The following FGF12 variants were observed in gnomAD, a reference collection of about 807,000 sequenced individuals.
The protein encoded by FGF12 is fibroblast growth factor 12, also known as fibroblast growth factor 12B.
A neutral mutation model predicts 23.6 loss-of-function variants in FGF12; 14 were observed. The ratio of observed to expected loss-of-function variants is 0.59; its 90% CI spans 0.39 to 0.93. The LOEUF (loss-of-function observed/expected upper bound fraction) is 0.93, where lower values mean the gene tolerates loss of function less well. Among genes scored for constraint, FGF12 ranks in the 40% least tolerant of loss-of-function variants. FGF12 has a pLI of 0.00. For synonymous variants in FGF12, 62 were observed against 77.3 expected, an observed-to-expected ratio of 0.80 and a Z score of 1.04; for missense variants, 175 against 217.8, an observed-to-expected ratio of 0.80 and a Z score of 1.24.
chr3:192,703,263 C>G (rs976466309), intron 2 of FGF12, among the ~76,000 whole-genome samples: 1 of 152,094 alleles, frequency 6.6e-6, no homozygotes, highest in Non-Finnish European at 1.5e-5. Flanking sequence ...GCTACTAGTG[C>G]ATAGAAAAGT....
intron 5 of FGF12, among the ~76,000 whole-genome samples, chr3:192,158,328 C>CTT (rs1464837591): frequency 0.054 from 5,999 of 110,328 alleles, 555 homozygotes; most frequent in African/African-American, 0.17. Flanking sequence ...TTCTTTCTTT[C>CTT]TTTCTCTTTC....
chr3:192,376,625 G>C (rs910205856), intron 2 of FGF12, among the ~76,000 whole-genome samples: 1 of 152,156 alleles, frequency 6.6e-6, no homozygotes, highest in Non-Finnish European at 1.5e-5. Context: ...GCCTCCCAAA[G>C]TGCTGGGATT....
At chr3:192,667,002 A>C (rs1716909236) in intron 2 of FGF12, among the ~76,000 whole-genome samples, 1 of 152,208 alleles carries the variant, frequency 6.6e-6, no homozygotes, top group Non-Finnish European at 1.5e-5. Context: ...AAACAAGTTT[A>C]TTATGTGGAA....
intron 4 of FGF12, among the ~76,000 whole-genome samples, chr3:192,243,534 G>GAA (rs11333066): frequency 0.011 from 1,612 of 143,112 alleles, 13 homozygotes; most frequent in Non-Finnish European, 0.017. Context: ...CAGCTTTATG[G>GAA]AAAAAAAAAA....
chr3:192,331,092 T>C (rs1305753964), intron 4 of FGF12, among the ~76,000 whole-genome samples: 1 of 152,038 alleles, frequency 6.6e-6, no homozygotes, highest in Non-Finnish European at 1.5e-5. Context: ...TACAAATGAC[T>C]AGCAGGTATG....
rs1577333472 is a variant in FGF12, at chr3:192,301,186, T to C, written c.228+34175A>G. On this transcript the variant is annotated intron_variant, in intron 4 of 5. Coordinates refer to ENST00000445105, the MANE Select transcript of FGF12 (RefSeq NM_004113.6). ...AAAAAAAAGGGCAATAGAAAGGAGTTTGCAATATCTGGAAGGGGATGGGTT... is the reference window on the plus strand; with the variant it reads ...AAAAAAAAGGGCAATAGAAAGGAGTCTGCAATATCTGGAAGGGGATGGGTT... Among the ~76,000 whole-genome samples, 4 of 151,726 alleles carry C rather than the reference T, an allele frequency of 2.6e-5. No individual in the cohort carries two copies. In the South Asian group the frequency reaches 8.3e-4, roughly 32 times the overall value.
chr3:192,531,586 C>T (rs1312388521), intron 2 of FGF12, among the ~76,000 whole-genome samples: 1 of 152,032 alleles, frequency 6.6e-6, no homozygotes, highest in Non-Finnish European at 1.5e-5. Flanking sequence ...ATGAAACACC[C>T]ACTGGTCGTC....
chr3:192,606,439 G>A (rs573437481), intron 2 of FGF12, among the ~76,000 whole-genome samples: 42 of 152,186 alleles, frequency 2.8e-4, no homozygotes, highest in African/African-American at 8.2e-4. Flanking sequence ...CAGTACTTGG[G>A]TGATGGGATC....
In FGF12 at chr3:192,454,040, T is replaced by G. The variant is rs116792384; in HGVS notation, c.14-93502A>C. ...GTATATCTACATTTCTCTCCTTTTT[T>G]TTTTGTTTTGTTTTTTGAGATGGAG... is the stretch of plus-strand genomic sequence containing the variant. On this transcript the variant is annotated intron_variant, in intron 2 of 5. Transcript: ENST00000445105. Among the ~76,000 whole-genome samples the G allele has an allele frequency of 7.2e-3, 1,101 of 152,198 alleles. 12 individuals are homozygous for G. The highest frequency in any genetic ancestry group is 0.025 in the African/African-American group (1,044 of 41,510).
intron 2 of FGF12, among the ~76,000 whole-genome samples, chr3:192,440,769 A>G (rs547795113): frequency 1.3e-5 from 2 of 152,348 alleles, no homozygotes; most frequent in South Asian, 2.1e-4. Context: ...TTGATGCCCT[A>G]TGTGTCAGCC....
intron 2 of FGF12, among the ~76,000 whole-genome samples, chr3:192,532,843 A>T (rs1365228394): frequency 6.6e-6 from 1 of 152,052 alleles, no homozygotes; most frequent in Non-Finnish European, 1.5e-5. Context: ...CTATGAGACA[A>T]TTCTTGTATT....
rs370175646 is a variant in FGF12 at position 192,375,511 on chromosome 3, TA to T, written c.14-14974del. The stretch of plus-strand genomic sequence containing the variant: ...GCTTTTATCAAATAATGCAAACGGC[TA>T]AAAACTCAAATCCACATATTCCTAT... On this transcript the variant is annotated intron_variant, in intron 2 of 5. Transcript: ENST00000445105. Among the ~76,000 whole-genome samples, 1,243 of 152,326 alleles carry T rather than the reference TA, an allele frequency of 8.2e-3. 14 individuals carry two copies. The highest frequency in any genetic ancestry group is 0.041 in the Middle Eastern group (12 of 294).
At position 192,544,714 on chromosome 3, in the gene FGF12, A is replaced by G. The variant is rs9839457; in HGVS notation, c.13+182467T>C. ...CACATTCATTTTATTATTTTAAAGT[A>G]TTATTAGTGAAGCACTATACTGTAG... On this transcript the variant is annotated intron_variant, in intron 2 of 5. Coordinates refer to ENST00000445105, the MANE Select transcript of FGF12 (RefSeq NM_004113.6). Among the ~76,000 whole-genome samples, 220 of 152,302 alleles carry G rather than the reference A, an allele frequency of 1.4e-3. 1 individual carries two copies. The highest frequency in any genetic ancestry group is 5.2e-3 in the African/African-American group (215 of 41,568).
chr3:192,233,026 A>T (rs1392590967), intron 4 of FGF12, among the ~76,000 whole-genome samples: 1 of 152,066 alleles, frequency 6.6e-6, no homozygotes, highest in Non-Finnish European at 1.5e-5. Context: ...TACTATGTGT[A>T]TCTTTTTGGT....
chr3:192,632,325 A>G (rs754648524), intron 2 of FGF12, among the ~76,000 whole-genome samples: 2 of 152,220 alleles, frequency 1.3e-5, no homozygotes, highest in Non-Finnish European at 2.9e-5. Context: ...TTATCTGTAG[A>G]GAAAAAGAAA....
At chr3:192,156,486 C>T (rs1162354437) in intron 5 of FGF12, among the ~76,000 whole-genome samples, 1 of 151,994 alleles carries the variant, frequency 6.6e-6, no homozygotes, top group Admixed American at 6.6e-5. Flanking sequence ...TACTATTTTT[C>T]CAACACAGTT....
At chr3:192,240,039 TAGAGAAAAACTCAAC>T (rs1292289134) in intron 4 of FGF12, among the ~76,000 whole-genome samples, 2 of 152,178 alleles carry the variant, frequency 1.3e-5, no homozygotes, top group Non-Finnish European at 2.9e-5. Context: ...ACCTTCTTGG[TAGAGAAAAACTCAAC>T]CAGGAAAGTT....
At chr3:192,552,722 C>T (rs900990468) in intron 2 of FGF12, among the ~76,000 whole-genome samples, 6 of 152,000 alleles carry the variant, frequency 3.9e-5, no homozygotes, top group Admixed American at 2.0e-4. Flanking sequence ...GAAATCCCAT[C>T]GCTACTAAAA....
chr3:192,296,217 CATTTT>C (rs1715032236), intron 4 of FGF12, among the ~76,000 whole-genome samples: 1 of 148,122 alleles, frequency 6.8e-6, no homozygotes, highest in Non-Finnish European at 1.5e-5. Context: ...ACAATGTTTT[CATTTT>C]ATTTTATTTT....
Sources: gnomAD v4.1 joint callset for allele counts (sites outside exome capture counted in the v4.1 genomes callset) on GRCh38, gnomAD v4.1.1 for gene constraint, MANE v1.5 for transcripts, NCBI Gene and HGNC (gene_info 2026-07-23, HGNC 2026-07-21) for gene names.